The following CPNE4 variants were observed in gnomAD, a reference collection of about 807,000 sequenced individuals.
CPNE4 encodes copine-4.
In CPNE4, 25 loss-of-function variants were observed where a neutral mutation model predicts 67.9. That is an observed-to-expected ratio of 0.37 (90% confidence interval 0.27 to 0.51). The LOEUF is 0.51. Ranked by LOEUF, CPNE4 falls within the 20% of genes least tolerant of loss-of-function variation. The probability of loss-of-function intolerance (pLI) is 0.93; values close to 1 mark genes in which losing one functional copy is unlikely to be tolerated. For missense variants in CPNE4, 464 were observed against 690.8 expected, an observed-to-expected ratio of 0.67 and a Z score of 3.68; for synonymous variants, 242 against 244.9, an observed-to-expected ratio of 0.99 and a Z score of 0.11.
chr3:131,887,765 A>G lies in CPNE4; in HGVS notation c.180+17499T>C, dbSNP rs144536151. Among the ~76,000 whole-genome samples, 7 of 152,344 alleles carry G rather than the reference A, an allele frequency of 4.6e-5. No individual in the cohort carries two copies. In the East Asian group the frequency reaches 1.4e-3, roughly 29 times the overall value. On this transcript the variant is annotated intron_variant, in intron 2 of 15. Coordinates refer to ENST00000429747, the MANE Select transcript of CPNE4 (RefSeq NM_130808.3). ...TAAGAATTGGAATGTAAATATGCCT[A>G]TGTTCCTCTTATCCACATCCTTTAA...
chr3:131,599,417 A>T (rs1939080078), intron 7 of CPNE4, among the ~76,000 whole-genome samples: 1 of 152,176 alleles, frequency 6.6e-6, no homozygotes, highest in Admixed American at 6.5e-5. Flanking sequence ...AGCTGCTAGG[A>T]TGGGAGTTAA....
intron 7 of CPNE4, among the ~76,000 whole-genome samples, chr3:131,656,318 C>T (rs1013122135): frequency 6.6e-6 from 1 of 152,114 alleles, no homozygotes; most frequent in Non-Finnish European, 1.5e-5. Flanking sequence ...GTAGACTTGT[C>T]TTAAATTAAA....
At chr3:131,809,631 G>T (rs1188721823) in intron 2 of CPNE4, among the ~76,000 whole-genome samples, 1 of 152,066 alleles carries the variant, frequency 6.6e-6, no homozygotes, top group East Asian at 1.9e-4. Context: ...ATACACCTGG[G>T]TTAATGAAAA....
At chr3:131,961,358 G>C (rs1422136531) in intron 1 of CPNE4, among the ~76,000 whole-genome samples, 1 of 152,134 alleles carries the variant, frequency 6.6e-6, no homozygotes, top group Non-Finnish European at 1.5e-5. Context: ...CCCTGAGCCT[G>C]TTTTATCACT....
At chr3:131,789,556 G>C (rs550310067) in intron 2 of CPNE4, among the ~76,000 whole-genome samples, 12 of 152,162 alleles carry the variant, frequency 7.9e-5, no homozygotes, top group African/African-American at 2.9e-4. Context: ...CACTTTACAG[G>C]GTTTTAGGAG....
At chr3:131,917,382 G>A (rs2070587206) in intron 1 of CPNE4, among the ~76,000 whole-genome samples, 3 of 152,146 alleles carry the variant, frequency 2.0e-5, no homozygotes, top group African/African-American at 7.2e-5. Flanking sequence ...AGGGATGTTT[G>A]AAAGGGAGGA....
rs1263306221 is a variant in CPNE4 at position 131,580,479 on chromosome 3, T to TAC, written c.867+1098_867+1099dup. On this transcript the variant is annotated intron_variant, in intron 9 of 15. Transcript: ENST00000429747. ...ATATACACATATATGTATGCCTGTA[T>TAC]ACACACACACACGCACACACACACA... Among the ~76,000 whole-genome samples, 1,160 of 150,472 alleles carry TAC rather than the reference T, an allele frequency of 7.7e-3. 23 individuals are homozygous for TAC. The highest frequency in any genetic ancestry group is 0.027 in the African/African-American group (1,094 of 40,496).
chr3:131,804,527 C>A (rs747263681), intron 2 of CPNE4, among the ~76,000 whole-genome samples: 3 of 152,208 alleles, frequency 2.0e-5, no homozygotes, highest in East Asian at 1.9e-4. Flanking sequence ...AAAACAAGGG[C>A]TAAATGATCA....
intron 5 of CPNE4, among the ~76,000 whole-genome samples, chr3:131,692,495 G>C (rs185472584): frequency 2.6e-5 from 4 of 152,280 alleles, no homozygotes; most frequent in Admixed American, 2.0e-4. Flanking sequence ...TTTTAGAGTA[G>C]GGGTCAGCAA....
At chr3:131,791,732 C>T (rs1187167553) in intron 2 of CPNE4, among the ~76,000 whole-genome samples, 1 of 152,056 alleles carries the variant, frequency 6.6e-6, no homozygotes, top group Non-Finnish European at 1.5e-5. Flanking sequence ...GTGGTGTTTC[C>T]CGATTTGAAG....
chr3:131,553,143 C>T (rs1052990466), intron 12 of CPNE4, among the ~76,000 whole-genome samples: 5 of 151,894 alleles, frequency 3.3e-5, no homozygotes, highest in Admixed American at 6.6e-5. Context: ...TTTTTCTTTC[C>T]GAAAACCTGA....
intron 1 of CPNE4, among the ~76,000 whole-genome samples, chr3:131,929,170 A>G (rs377503470): frequency 1.4e-5 from 2 of 147,424 alleles, no homozygotes; most frequent in Admixed American, 1.4e-4. Flanking sequence ...TTCTTCATCA[A>G]TCATCAGTCC....
At chr3:131,709,184 C>T (rs2081497891) in intron 3 of CPNE4, among the ~76,000 whole-genome samples, 1 of 151,416 alleles carries the variant, frequency 6.6e-6, no homozygotes. Context: ...TTTTCTATTT[C>T]TAAATAGTTT....
chr3:131,765,091 G>A (rs1427961082), intron 2 of CPNE4, among the ~76,000 whole-genome samples: 1 of 152,142 alleles, frequency 6.6e-6, no homozygotes, highest in Non-Finnish European at 1.5e-5. Flanking sequence ...ATGAGGGCCT[G>A]TGAATAGTGG....
intron 2 of CPNE4, among the ~76,000 whole-genome samples, chr3:131,865,560 A>T (rs926750620): frequency 1.3e-5 from 2 of 152,088 alleles, no homozygotes; most frequent in Non-Finnish European, 2.9e-5. Context: ...CCATCACCCT[A>T]CAAGATAATT....
chr3:131,622,061 A>G (rs1458187522), intron 7 of CPNE4, among the ~76,000 whole-genome samples: 2 of 151,804 alleles, frequency 1.3e-5, no homozygotes, highest in African/African-American at 4.8e-5. Context: ...AAGAAAAGAA[A>G]TGTTCTTAGC....
At chr3:131,860,001 TCC>T (rs2086607425) in intron 2 of CPNE4, among the ~76,000 whole-genome samples, 1 of 152,130 alleles carries the variant, frequency 6.6e-6, no homozygotes, top group Non-Finnish European at 1.5e-5. Flanking sequence ...AGCAATAATC[TCC>T]CTCATTCCTT....
At chr3:131,539,753 A>ATCTC (rs1438242552) in intron 15 of CPNE4, among the ~76,000 whole-genome samples, 2 of 152,122 alleles carry the variant, frequency 1.3e-5, no homozygotes, top group Non-Finnish European at 1.5e-5. Context: ...AAGTTAATGA[A>ATCTC]TCTCCTAGAG....
chr3:131,845,730 A>T (rs13083554), intron 2 of CPNE4, among the ~76,000 whole-genome samples: 30,899 of 152,190 alleles, frequency 0.2, 3,870 homozygotes, highest in Non-Finnish European at 0.27. Context: ...AAAAATCAAT[A>T]AAAGCAACTC....
Sources: gnomAD v4.1 joint callset for allele counts (sites outside exome capture counted in the v4.1 genomes callset) on GRCh38, gnomAD v4.1.1 for gene constraint, MANE v1.5 for transcripts, NCBI Gene and HGNC (gene_info 2026-07-23, HGNC 2026-07-21) for gene names.